Variants in PSMD13 observed in about 807,000 individuals in gnomAD.
The protein encoded by PSMD13 is 26S proteasome non-ATPase regulatory subunit 13.
Under a neutral mutation model 57.4 loss-of-function variants are expected in PSMD13, and 8 were observed. The observed-to-expected ratio is 0.14, with a 90% CI of 0.08 to 0.25. The LOEUF is 0.25. Ranked by LOEUF, PSMD13 falls within the 10% of genes least tolerant of loss-of-function variation. The probability of loss-of-function intolerance (pLI) is 1.00; values close to 1 mark genes in which losing one functional copy is unlikely to be tolerated. For missense variants in PSMD13, 400 were observed against 461.5 expected, an observed-to-expected ratio of 0.87 and a Z score of 1.22; for synonymous variants, 193 against 168.2, an observed-to-expected ratio of 1.15 and a Z score of -1.14.
At chr11:237,488 T>C (rs1467754627) in intron 1 of PSMD13, among the ~76,000 whole-genome samples, 1 of 152,210 alleles carries the variant, frequency 6.6e-6, no homozygotes, top group East Asian at 1.9e-4. Flanking sequence ...ATTTTAGCTC[T>C]TGATTCCATC....
At chr11:249,590 C>A in intron 9 of PSMD13, among the ~76,000 whole-genome samples, 1 of 8,256 alleles carries the variant, frequency 1.2e-4, no homozygotes, top group African/African-American at 4.1e-4. Flanking sequence ...GCGGCGGGTG[C>A]GGGGAGGGGG....
In PSMD13 at chr11:251,459, C is replaced by T; in HGVS notation, c.838-87C>T. 1 of 1,188,996 alleles carries T rather than the reference C, an allele frequency of 8.4e-7. No individual in the cohort carries two copies. Among genetic ancestry groups the T allele is most frequent in the Non-Finnish European group, 1.2e-6 (1 of 835,392 alleles). The allele number at this position is 1,188,996 out of a possible 1,614,324, so 73.7% of individuals were successfully genotyped here. ...GGGGTACTAATAAGATCTCTATTTT[C>T]AGAGCCAATATTGACAAAACATCCT... On this transcript the variant is annotated intron_variant, in intron 10 of 12. Coordinates refer to ENST00000532097, the MANE Select transcript of PSMD13 (RefSeq NM_002817.4). The surrounding 1 kb of genome is among the most constrained non-coding windows in gnomAD (Gnocchi z 4.6).
At position 247,681 on chromosome 11, in the gene PSMD13, A is replaced by T. The variant is rs931744377; in HGVS notation, c.568+233A>T. The T allele has an allele frequency of 1.4e-5, 5 of 348,764 alleles. No individual in the cohort carries two copies. The South Asian group carries it at 1.9e-4, about 13-fold the overall frequency. 21.6% of individuals were successfully genotyped at this position (348,764 alleles called of 1,614,324 possible). A position where few individuals can be genotyped will look rare whatever the true frequency, so the allele number is the denominator to read the frequency against. ...ACCCTGTCTCTACTAAAAATACAAAAAACTAGCCAGGTGTGATGGTGGGTG... is the reference window on the plus strand; with the variant it reads ...ACCCTGTCTCTACTAAAAATACAAATAACTAGCCAGGTGTGATGGTGGGTG... On this transcript the variant is annotated intron_variant, in intron 7 of 12. Coordinates refer to ENST00000532097, the MANE Select transcript of PSMD13 (RefSeq NM_002817.4).
At position 237,262 on chromosome 11, in the gene PSMD13, A is replaced by G. The variant is rs183493593; in HGVS notation, c.95+118A>G. ...GCGCCCAGACCCAAGTTGGGGGGAAACGGGGACGTGTAGCGACCGGCTGTG... is the reference window on the plus strand; with the variant it reads ...GCGCCCAGACCCAAGTTGGGGGGAAGCGGGGACGTGTAGCGACCGGCTGTG... On this transcript the variant is annotated intron_variant, in intron 1 of 12. Coordinates refer to ENST00000532097, the MANE Select transcript of PSMD13 (RefSeq NM_002817.4). 746 of 941,632 alleles carry G rather than the reference A, an allele frequency of 7.9e-4. 8 individuals are homozygous for G. In the African/African-American group the frequency reaches 0.012, roughly 15 times the overall value. The allele number at this position is 941,632 out of a possible 1,614,324, so 58.3% of individuals were successfully genotyped here.
At chr11:238,517 T>C (rs1314376844) in intron 1 of PSMD13, among the ~76,000 whole-genome samples, 1 of 152,092 alleles carries the variant, frequency 6.6e-6, no homozygotes, top group African/African-American at 2.4e-5. Context: ...CAGAAATGCA[T>C]TGGGGCGGCC....
At chr11:243,108 C>G in intron 2 of PSMD13, 1 of 579,032 alleles carries the variant, frequency 1.7e-6, no homozygotes, top group Non-Finnish European at 3.4e-6. Flanking sequence ...ACGTCTTTTT[C>G]TTTCCCTTTT....
In PSMD13 at chr11:248,943, T is replaced by C; in HGVS notation, c.660T>C (p.Pro220=). 1 of 1,614,226 alleles carries C rather than the reference T, an allele frequency of 6.2e-7. No individual in the cohort carries two copies. The highest frequency in any genetic ancestry group is 1.3e-5 in the African/African-American group (1 of 75,068). The change falls in exon 9 of 13, where the codon CCT becomes CCC. Residue 220 remains proline, a synonymous_variant. Transcript: ENST00000532097. ...VFNFGELLMH[P]VLESLRNTDR... ...CTCCATCCTCACAGCTCATGCACCC[T>C]GTGCTGGAGTCCCTGAGGAATACTG...
intron 2 of PSMD13, among the ~76,000 whole-genome samples, chr11:243,674 A>G (rs1859567608): frequency 6.6e-6 from 1 of 152,206 alleles, no homozygotes; most frequent in Admixed American, 6.5e-5. Context: ...AACAGCCCGG[A>G]AGCCACAGGG....
chr11:249,168 G>C (rs1160388060), intron 9 of PSMD13, 111 bp downstream of exon 9: 3 of 1,470,680 alleles, frequency 2.0e-6, no homozygotes, highest in Non-Finnish European at 2.8e-6. Context: ...AGGGCAAAGA[G>C]GAGACCAAGA....
At chr11:245,693 T>TGTGTGTGTGTGTGTGTGTGTGTG (rs1859628745) in intron 6 of PSMD13, among the ~76,000 whole-genome samples, 3 of 86,820 alleles carry the variant, frequency 3.5e-5, no homozygotes, top group African/African-American at 5.0e-5. Context: ...TGCATGTGTG[T>TGTGTGTGTGTGTGTGTGTGTGTG]TCGTGTGTTT....
intron 9 of PSMD13, among the ~76,000 whole-genome samples, chr11:250,543 A>G (rs1199295560): frequency 6.6e-6 from 1 of 152,232 alleles, no homozygotes; most frequent in Non-Finnish European, 1.5e-5. Context: ...TGTCTGTAGC[A>G]TTAATACAAA....
At position 251,472 on chromosome 11, in the gene PSMD13, G is replaced by T; in HGVS notation, c.838-74G>T. On this transcript the variant is annotated intron_variant, in intron 10 of 12. Coordinates refer to ENST00000532097, the MANE Select transcript of PSMD13 (RefSeq NM_002817.4). The surrounding 1 kb of genome is among the most constrained non-coding windows in gnomAD (Gnocchi z 4.6). Reference sequence around the variant, plus strand: ...GATCTCTATTTTCAGAGCCAATATTGACAAAACATCCTTATCAGTTCTCTA... The same window carrying T: ...GATCTCTATTTTCAGAGCCAATATTTACAAAACATCCTTATCAGTTCTCTA... 1 of 1,333,120 alleles carries T rather than the reference G, an allele frequency of 7.5e-7. No individual in the cohort carries two copies. The highest frequency in any genetic ancestry group is 1.3e-5 in the South Asian group (1 of 76,952). 82.6% of individuals were successfully genotyped at this position (1,333,120 alleles called of 1,614,324 possible).
In PSMD13 at chr11:252,238, C is replaced by T. The variant is rs892020894; in HGVS notation, c.1036-267C>T. The stretch of plus-strand genomic sequence containing the variant: ...CTGGTTCTGTGATTTGAGCTCACGT[C>T]GCTCTTACATTTGCTGGAAATGCGA... On this transcript the variant is annotated intron_variant, in intron 12 of 12. Coordinates refer to ENST00000532097, the MANE Select transcript of PSMD13 (RefSeq NM_002817.4). This position sits in a 1 kb window ranked among gnomAD's most constrained non-coding sequence, Gnocchi z 4.1. The T allele has an allele frequency of 5.8e-6, 3 of 513,434 alleles. No individual in the cohort carries two copies. Among genetic ancestry groups the T allele is most frequent in the Non-Finnish European group, 1.1e-5 (3 of 284,142 alleles). 31.8% of individuals were successfully genotyped at this position (513,434 alleles called of 1,614,324 possible).
rs1476494466 is a variant in PSMD13, at chr11:251,611, A to T, written c.903A>T (p.Lys301Asn). The T allele has an allele frequency of 1.2e-6, 2 of 1,613,474 alleles. No individual in the cohort carries two copies. Among genetic ancestry groups the T allele is most frequent in the African/African-American group, 2.7e-5 (2 of 74,916 alleles). ...LTFEEIAKSA[K>N]ITVNEVELLV... Reference sequence around the variant, plus strand: ...TTGAAGAAATTGCCAAAAGTGCTAAAATCACAGTGAATGAGGTACGGTCCC... The same window carrying T: ...TTGAAGAAATTGCCAAAAGTGCTAATATCACAGTGAATGAGGTACGGTCCC... The change falls in exon 11 of 13, where the codon AAA becomes AAT. Residue 301 changes from lysine to asparagine, a missense_variant. Lys to Asn is a moderately conservative substitution (Grantham distance 94). Coordinates refer to ENST00000532097, the MANE Select transcript of PSMD13 (RefSeq NM_002817.4). This position sits in a 1 kb window ranked among gnomAD's most constrained non-coding sequence, Gnocchi z 4.6.
Position 251,977 on chromosome 11 carries a change from G to C in PSMD13, c.1035+41G>C, listed in dbSNP as rs763877616. Reference sequence around the variant, plus strand: ...CCCATTATTCACCTCTGTGGATTTTGAGGGGTTGTGTCTATACCGTCTTAG... The same window carrying C: ...CCCATTATTCACCTCTGTGGATTTTCAGGGGTTGTGTCTATACCGTCTTAG... On this transcript the variant is annotated intron_variant, in intron 12 of 12. Coordinates refer to ENST00000532097, the MANE Select transcript of PSMD13 (RefSeq NM_002817.4). The surrounding 1 kb of genome is among the most constrained non-coding windows in gnomAD (Gnocchi z 4.6). 2 of 1,563,760 alleles carry C rather than the reference G, an allele frequency of 1.3e-6. No homozygotes were observed. The highest frequency in any genetic ancestry group is 3.4e-5 in the Admixed American group (2 of 59,200).
At chr11:243,974 G>T in intron 2 of PSMD13, 67 bp from the exon 3 acceptor site, 1 of 1,489,736 alleles carries the variant, frequency 6.7e-7, no homozygotes, top group Non-Finnish European at 9.3e-7. Context: ...CAAAGATAGT[G>T]TTTGGGGTCT....
intron 2 of PSMD13, among the ~76,000 whole-genome samples, chr11:241,468 C>A (rs1331049552): frequency 6.6e-6 from 1 of 152,192 alleles, no homozygotes; most frequent in Non-Finnish European, 1.5e-5. Flanking sequence ...TTGACTGTTT[C>A]TTGTGTGCCT....
At chr11:243,418 T>C (rs767052536) in intron 2 of PSMD13, 18 of 308,986 alleles carry the variant, frequency 5.8e-5, no homozygotes, top group Non-Finnish European at 1.0e-4. Flanking sequence ...GTCTTACTTA[T>C]GGGGATTCAC....
Position 247,433 on chromosome 11 carries a change from A to T in PSMD13, c.553A>T (p.Ile185Phe). 1 of 1,613,762 alleles carries T rather than the reference A, an allele frequency of 6.2e-7. No homozygotes were observed. Residue 185 changes from isoleucine to phenylalanine, a missense_variant, in exon 7 of 13, where the codon ATC becomes TTC. Physicochemically the swap from Ile to Phe is conservative, Grantham distance 21. Transcript: ENST00000532097. ...DALRFLGCVD[I>F]KDLPVSEQQE... is the part of the protein sequence containing the mutation. Reference sequence around the variant, plus strand: ...TCTGCGGTTTTTGGGCTGTGTTGACATCAAGGATCTACCAGGTAACCTAGG... The same window carrying T: ...TCTGCGGTTTTTGGGCTGTGTTGACTTCAAGGATCTACCAGGTAACCTAGG...
Sources: allele counts gnomAD v4.1 joint callset (sites outside exome capture counted in the v4.1 genomes callset), GRCh38; gene constraint gnomAD v4.1.1; non-coding constraint Gnocchi (gnomAD v3.1); transcripts MANE v1.5; gene names NCBI Gene and HGNC (gene_info 2026-07-23, HGNC 2026-07-21).